The following CNTN4 variants were observed in gnomAD, a reference collection of about 807,000 sequenced individuals.
The protein encoded by CNTN4 is contactin 4.
CNTN4 carries 77 observed loss-of-function variants against 122.5 expected under a neutral mutation model. The ratio of observed to expected loss-of-function variants is 0.63; its 90% CI spans 0.52 to 0.76. The LOEUF is 0.76. Among genes scored for constraint, CNTN4 ranks in the 30% least tolerant of loss-of-function variants. CNTN4 has a pLI of 0.00. For synonymous variants in CNTN4, 512 were observed against 447.0 expected (o/e 1.15, Z -1.83); for missense variants, 1,256 against 1,259.1 (o/e 1.00, Z 0.04).
At chr3:2,524,902 T>C (rs2077347231) in intron 3 of CNTN4, among the ~76,000 whole-genome samples, 1 of 152,176 alleles carries the variant, frequency 6.6e-6, no homozygotes, top group Admixed American at 6.5e-5. Flanking sequence ...TTTTGGAGGC[T>C]TAGCATATTT....
chr3:2,590,960 A>G (rs942945961), intron 4 of CNTN4, among the ~76,000 whole-genome samples: 19 of 152,358 alleles, frequency 1.2e-4, no homozygotes, highest in South Asian at 1.0e-3. Context: ...TCATAGGCAT[A>G]TAACTGTGAA....
At chr3:2,678,081 A>G (rs2084968892) in intron 4 of CNTN4, among the ~76,000 whole-genome samples, 1 of 152,142 alleles carries the variant, frequency 6.6e-6, no homozygotes, top group African/African-American at 2.4e-5. Context: ...GTAGGAAAAA[A>G]AGGGGGTACA....
At chr3:2,721,457 A>G (rs1225926707) in intron 4 of CNTN4, among the ~76,000 whole-genome samples, 1 of 152,176 alleles carries the variant, frequency 6.6e-6, no homozygotes, top group South Asian at 2.1e-4. Flanking sequence ...GAACTCTGCC[A>G]TGAACATGGA....
At chr3:2,695,368 A>G (rs980774023) in intron 4 of CNTN4, among the ~76,000 whole-genome samples, 11 of 152,206 alleles carry the variant, frequency 7.2e-5, no homozygotes, top group African/African-American at 2.4e-4. Context: ...AACCCCTCTT[A>G]TGCACAGCAC....
chr3:2,919,199 A>G (rs1043516673), intron 12 of CNTN4, among the ~76,000 whole-genome samples: 1 of 151,148 alleles, frequency 6.6e-6, no homozygotes, highest in Non-Finnish European at 1.5e-5. Context: ...CAAAAAAAAA[A>G]AAAATTGCCA....
chr3:2,648,461 T>C (rs2083224619), intron 4 of CNTN4, among the ~76,000 whole-genome samples: 1 of 152,192 alleles, frequency 6.6e-6, no homozygotes, highest in Admixed American at 6.5e-5. Flanking sequence ...AAGTTTATTC[T>C]TACTATTATA....
chr3:2,652,034 T>A (rs917054635), intron 4 of CNTN4, among the ~76,000 whole-genome samples: 2 of 151,780 alleles, frequency 1.3e-5, no homozygotes, highest in East Asian at 1.9e-4. Flanking sequence ...TTTTTTTTTT[T>A]AAATAGCCAG....
chr3:2,476,241 T>G (rs1479672636), intron 3 of CNTN4, among the ~76,000 whole-genome samples: 3 of 152,312 alleles, frequency 2.0e-5, no homozygotes, highest in East Asian at 1.9e-4. Context: ...TTGCACTTTC[T>G]GATGAAACCA....
At chr3:2,311,315 C>G (rs1261821117) in intron 2 of CNTN4, among the ~76,000 whole-genome samples, 8 of 152,054 alleles carry the variant, frequency 5.3e-5, no homozygotes, top group Non-Finnish European at 1.2e-4. Flanking sequence ...GTCTTTCCGT[C>G]AACCCTAGAA....
rs138453991 is a variant in CNTN4 at position 2,213,956 on chromosome 3, A to G, written c.-145+113317A>G. 2.2e-4 allele frequency among the ~76,000 whole-genome samples: 34 copies of G among 152,314 alleles called. 1 individual carries two copies. The East Asian group carries it at 6.2e-3, about 28-fold the overall frequency. Reference sequence around the variant, plus strand: ...CCTTATTGTGTTCAGAAATTAGGATAGAAAATGCTTGGAGGCTTATTTCGT... The same window carrying G: ...CCTTATTGTGTTCAGAAATTAGGATGGAAAATGCTTGGAGGCTTATTTCGT... On this transcript the variant is annotated intron_variant, in intron 2 of 24. Coordinates refer to ENST00000418658, the MANE Select transcript of CNTN4 (RefSeq NM_175607.3).
intron 13 of CNTN4, among the ~76,000 whole-genome samples, chr3:2,934,095 C>A (rs1179545347): frequency 6.6e-6 from 1 of 152,198 alleles, no homozygotes; most frequent in Non-Finnish European, 1.5e-5. Context: ...ATGGTGCAAG[C>A]ATGACTGCTG....
intron 2 of CNTN4, among the ~76,000 whole-genome samples, chr3:2,299,845 A>G (rs1043792405): frequency 6.6e-6 from 1 of 152,198 alleles, no homozygotes; most frequent in Non-Finnish European, 1.5e-5. Flanking sequence ...TTATTTATCT[A>G]AAACATAATA....
intron 6 of CNTN4, among the ~76,000 whole-genome samples, chr3:2,760,924 C>A (rs2090563003): frequency 6.6e-6 from 1 of 152,146 alleles, no homozygotes; most frequent in African/African-American, 2.4e-5. Context: ...TAACAGCAGT[C>A]ACTATTTTAC....
chr3:2,889,051 G>C (rs1186821933), intron 10 of CNTN4, among the ~76,000 whole-genome samples: 1 of 143,896 alleles, frequency 6.9e-6, no homozygotes, highest in African/African-American at 3.0e-5. Flanking sequence ...AAGGGAAAAA[G>C]GAAGGAAGGA....
At chr3:2,672,660 A>T (rs1004302005) in intron 4 of CNTN4, among the ~76,000 whole-genome samples, 1 of 152,196 alleles carries the variant, frequency 6.6e-6, no homozygotes, top group African/African-American at 2.4e-5. Context: ...CCTCAGTTGG[A>T]AATGCAGAAA....
chr3:2,182,530 A>C (rs1314264518), intron 2 of CNTN4, among the ~76,000 whole-genome samples: 3 of 152,114 alleles, frequency 2.0e-5, no homozygotes, highest in Non-Finnish European at 4.4e-5. Flanking sequence ...CATATATATT[A>C]TGAACTATCT....
intron 2 of CNTN4, among the ~76,000 whole-genome samples, chr3:2,106,095 G>A (rs1402296788): frequency 6.6e-6 from 1 of 152,182 alleles, no homozygotes; most frequent in Non-Finnish European, 1.5e-5. Flanking sequence ...TGCAGGAGGT[G>A]GGCTCCCACT....
intron 10 of CNTN4, among the ~76,000 whole-genome samples, chr3:2,890,702 T>A (rs1874960): frequency 0.069 from 10,393 of 151,686 alleles, 422 homozygotes; most frequent in African/African-American, 0.11. Context: ...CCTATTGCCC[T>A]TTGGTTTGTC....
chr3:2,223,810 C>T (rs1243407867), intron 2 of CNTN4, among the ~76,000 whole-genome samples: 1 of 152,108 alleles, frequency 6.6e-6, no homozygotes, highest in East Asian at 1.9e-4. Flanking sequence ...TGACACAAGG[C>T]TGGTTAACAG....
Sources: allele counts gnomAD v4.1 joint callset (sites outside exome capture counted in the v4.1 genomes callset), GRCh38; gene constraint gnomAD v4.1.1; transcripts MANE v1.5; gene names NCBI Gene and HGNC (gene_info 2026-07-23, HGNC 2026-07-21).